Variants in COX7A2 observed in about 807,000 individuals in gnomAD.
COX7A2 encodes the protein cytochrome c oxidase subunit 7A2.
In COX7A2, 11 loss-of-function variants were observed where a neutral mutation model predicts 11.6. The ratio of observed to expected loss-of-function variants is 0.95; its 90% CI spans 0.60 to 1.57. The LOEUF is 1.57. Ranked by LOEUF, COX7A2 falls within the 40% of genes most tolerant of loss-of-function variation. The probability of loss-of-function intolerance (pLI) is 0.00; values close to 1 mark genes in which losing one functional copy is unlikely to be tolerated. For missense variants in COX7A2, 106 were observed against 100.9 expected, an observed-to-expected ratio of 1.05 and a Z score of -0.22; for synonymous variants, 30 against 38.2, an observed-to-expected ratio of 0.78 and a Z score of 0.79.
exon 1 of COX7A2, chr6:75,250,153 CT>C (rs1168895895): frequency 1.3e-5 from 2 of 152,118 alleles, no homozygotes; most frequent in Admixed American, 1.3e-4. Flanking sequence ...TAAACCCAGG[CT>C]TGTGTGGAAT....
Position 75,238,730 on chromosome 6 carries a change from CT to C in COX7A2, c.194-743del, listed in dbSNP as rs1455719780. On this transcript the variant is annotated intron_variant, in intron 3 of 3. Coordinates refer to ENST00000684430, the MANE Select transcript of COX7A2 (RefSeq NM_001366293.2). ...AAAAAAAAAAAAAAAAAAAAAAAAG[CT>C]GATAACTGGAATTTCATTTTAAAAA... is the stretch of plus-strand genomic sequence containing the variant. Among the ~76,000 whole-genome samples the C allele has an allele frequency of 6.8e-5, 9 of 132,326 alleles. No homozygotes were observed. The East Asian group carries it at 1.8e-3, about 26-fold the overall frequency. The allele number at this position is 132,326 out of a possible 152,430, so 86.8% of individuals were successfully genotyped here. A position where few individuals can be genotyped will look rare whatever the true frequency, so the allele number is the denominator to read the frequency against.
intron 1 of COX7A2, among the ~76,000 whole-genome samples, chr6:75,249,807 G>A (rs1001470430): frequency 6.6e-6 from 1 of 152,136 alleles, no homozygotes; most frequent in Non-Finnish European, 1.5e-5. Flanking sequence ...TGTTAAAATC[G>A]GAGCCCTATT....
chr6:75,241,310 C>G (rs747388682), intron 1 of COX7A2, 45 bp from the exon 2 acceptor site: 1 of 1,423,622 alleles, frequency 7.0e-7, no homozygotes, highest in Non-Finnish European at 9.4e-7. Flanking sequence ...CTAAAGAAAC[C>G]TTCAAAACCA....
intron 3 of COX7A2, among the ~76,000 whole-genome samples, 199 bp downstream of exon 3, chr6:75,240,101 CA>C (rs901132548): frequency 6.9e-5 from 10 of 145,238 alleles, no homozygotes; most frequent in Middle Eastern, 3.5e-3. Flanking sequence ...AACTCCATTT[CA>C]AAAAAAAAAG....
At chr6:75,238,934 C>CTTCACGAG (rs1283180185) in intron 3 of COX7A2, among the ~76,000 whole-genome samples, 1 of 151,838 alleles carries the variant, frequency 6.6e-6, no homozygotes, top group Non-Finnish European at 1.5e-5. Context: ...CCTGCCTCAG[C>CTTCACGAG]TTCACGAGTA....
intron 1 of COX7A2, 64 bp from the exon 2 acceptor site, chr6:75,241,329 CA>C: frequency 5.2e-6 from 7 of 1,349,098 alleles, no homozygotes; most frequent in Non-Finnish European, 7.0e-6. Context: ...CAACTATTTT[CA>C]GTCGTTCATA....
Position 75,240,366 on chromosome 6 carries a change from A to C in COX7A2, c.128T>G (p.Leu43Arg). ...KLFQEDDEIP[L>R]YLKGGVADAL... ...ATCAGCTACCCCACCCTTTAGATACAGTGGAATTTCATCATCCTCCTAGAT... is the reference window on the plus strand; with the variant it reads ...ATCAGCTACCCCACCCTTTAGATACCGTGGAATTTCATCATCCTCCTAGAT... The change falls in exon 3 of 4, where the codon CTG becomes CGG. Residue 43 changes from leucine to arginine, a missense_variant. Physicochemically the swap from Leu to Arg is moderately radical, Grantham distance 102. Coordinates refer to ENST00000684430, the MANE Select transcript of COX7A2 (RefSeq NM_001366293.2). The C allele has an allele frequency of 6.3e-7, 1 of 1,582,238 alleles. No individual in the cohort carries two copies. Among genetic ancestry groups the C allele is most frequent in the Non-Finnish European group, 8.6e-7 (1 of 1,166,478 alleles).
chr6:75,244,817 A>G (rs893735917), upstream of COX7A2, among the ~76,000 whole-genome samples: 8 of 152,166 alleles, frequency 5.3e-5, no homozygotes, highest in Admixed American at 3.9e-4. Context: ...CCACCAAGTT[A>G]CCAGTCCCAG....
upstream of COX7A2, among the ~76,000 whole-genome samples, chr6:75,245,439 C>G (rs1307107858): frequency 1.4e-5 from 2 of 142,386 alleles, no homozygotes; most frequent in Non-Finnish European, 3.0e-5. Flanking sequence ...TGCAGTGAGC[C>G]AAGATCGCTC....
At chr6:75,244,676 A>G (rs1771642071), upstream of COX7A2, among the ~76,000 whole-genome samples, 1 of 152,238 alleles carries the variant, frequency 6.6e-6, no homozygotes, top group African/African-American at 2.4e-5. Context: ...ACAAACTCTT[A>G]CAAATTATTT....
At chr6:75,238,087 C>T (rs1771370443) in intron 3 of COX7A2, 99 bp from the exon 4 acceptor site, 2 of 687,534 alleles carry the variant, frequency 2.9e-6, no homozygotes, top group Non-Finnish European at 4.3e-6. Flanking sequence ...TGCATTAAGA[C>T]TACCTTAATT....
At chr6:75,243,678 C>T in intron 1 of COX7A2, 39 bp downstream of exon 1, 2 of 1,597,748 alleles carry the variant, frequency 1.3e-6, no homozygotes, top group Non-Finnish European at 1.7e-6. Flanking sequence ...TCTCCACTCC[C>T]TCGCCCCCAT....
chr6:75,246,986 G>A (rs972845561), upstream of COX7A2, among the ~76,000 whole-genome samples: 3 of 152,160 alleles, frequency 2.0e-5, no homozygotes, highest in South Asian at 2.1e-4. Context: ...CTTTTGTAAT[G>A]TTAGAAAATT....
chr6:75,237,967 T>A lies in COX7A2; in HGVS notation c.215A>T (p.Glu72Val), dbSNP rs371480081. 1.2e-6 allele frequency: 2 copies of A among 1,604,562 alleles called. No individual in the cohort carries two copies. The highest frequency in any genetic ancestry group is 2.7e-5 in the African/African-American group (2 of 74,934). Residue 72 changes from glutamate to valine, a missense_variant, in exon 4 of 4, where the codon GAG becomes GTG. Coordinates refer to ENST00000684430, the MANE Select transcript of COX7A2 (RefSeq NM_001366293.2). ...CTTGGGAAATGAAGCCACAGCCAGC[T>A]CATATATGGCATATGCTGTTCCTAA... is the stretch of plus-strand genomic sequence containing the variant. ...TVGGTAYAIY[E>V]LAVASFPKKQ...
At chr6:75,240,093 C>T (rs1216930832) in intron 3 of COX7A2, among the ~76,000 whole-genome samples, 4 of 151,718 alleles carry the variant, frequency 2.6e-5, no homozygotes, top group Non-Finnish European at 4.4e-5. Flanking sequence ...AGGAGCAAAA[C>T]TCCATTTCAA....
chr6:75,250,172 G>A (rs1393436885), exon 1 of COX7A2: 1 of 152,182 alleles, frequency 6.6e-6, no homozygotes, highest in Non-Finnish European at 1.5e-5. Flanking sequence ...AATGATTGCT[G>A]CTTGGGCCTT....
At chr6:75,248,727 G>A (rs562363882), upstream of COX7A2, among the ~76,000 whole-genome samples, 693 of 150,766 alleles carry the variant, frequency 4.6e-3, 10 homozygotes, top group African/African-American at 0.016. Flanking sequence ...ATGAACATGA[G>A]TCATTCCCCA....
chr6:75,241,344 TAGA>T (rs1043425750), intron 1 of COX7A2, 79 bp from the exon 2 acceptor site: 5 of 1,261,712 alleles, frequency 4.0e-6, no homozygotes, highest in Non-Finnish European at 5.3e-6. Context: ...GTTCATATTA[TAGA>T]AAAGGTAAAT....
At chr6:75,242,795 GGC>G (rs1168359610) in intron 1 of COX7A2, among the ~76,000 whole-genome samples, 1 of 151,714 alleles carries the variant, frequency 6.6e-6, no homozygotes, top group Non-Finnish European at 1.5e-5. Context: ...CTCCAGCCTG[GGC>G]AACAGAGTGA....
Sources: allele counts gnomAD v4.1 joint callset (sites outside exome capture counted in the v4.1 genomes callset), GRCh38; gene constraint gnomAD v4.1.1; transcripts MANE v1.5; gene names NCBI Gene and HGNC (gene_info 2026-07-23, HGNC 2026-07-21).